The following TMEM132D variants were observed in gnomAD, a reference collection of about 807,000 sequenced individuals.
TMEM132D encodes mature OL transmembrane protein.
TMEM132D carries 21 observed loss-of-function variants against 62.3 expected under a neutral mutation model. That is an observed-to-expected ratio of 0.34 (90% CI 0.24 to 0.49). The LOEUF is 0.49. TMEM132D is among the 20% of genes least tolerant of loss of function. TMEM132D has a pLI of 0.99. For missense variants in TMEM132D, 1,346 were observed against 1,402.8 expected (o/e 0.96, Z 0.65); for synonymous variants, 621 against 575.6 (o/e 1.08, Z -1.13).
chr12:129,862,282 T>G (rs1342977669), intron 1 of TMEM132D, among the ~76,000 whole-genome samples: 1 of 152,206 alleles, frequency 6.6e-6, no homozygotes, highest in African/African-American at 2.4e-5. Context: ...AACTCTAAAT[T>G]TCAAGCCTCA....
chr12:129,871,424 C>G (rs1261109696), intron 1 of TMEM132D, among the ~76,000 whole-genome samples: 1 of 151,954 alleles, frequency 6.6e-6, no homozygotes, highest in Non-Finnish European at 1.5e-5. Flanking sequence ...CTGTGTGTGT[C>G]CAGCTGAGAC....
rs555665393 is a variant in TMEM132D, at chr12:129,192,135, G to A, written c.1443+17385C>T. ...TGAGTCTTACTCTTGGCTGGACCTC[G>A]AATGGTTCCTACTACCTTGACCTGC... On this transcript the variant is annotated intron_variant, in intron 5 of 8. Coordinates refer to ENST00000422113, the MANE Select transcript of TMEM132D (RefSeq NM_133448.3). 1.5e-3 allele frequency among the ~76,000 whole-genome samples: 231 copies of A among 152,270 alleles called. 1 individual carries two copies. Among genetic ancestry groups the A allele is most frequent in the Non-Finnish European group, 2.2e-3 (153 of 68,010 alleles).
intron 3 of TMEM132D, among the ~76,000 whole-genome samples, chr12:129,413,401 G>A (rs891701450): frequency 6.6e-6 from 1 of 152,220 alleles, no homozygotes; most frequent in Non-Finnish European, 1.5e-5. Flanking sequence ...CCCCAGCCAT[G>A]TGGAACAGTG....
intron 5 of TMEM132D, among the ~76,000 whole-genome samples, chr12:129,133,369 C>T (rs1876437123): frequency 6.6e-6 from 1 of 152,190 alleles, no homozygotes; most frequent in South Asian, 2.1e-4. Flanking sequence ...ATGAATGGAC[C>T]AGCAAAATAT....
intron 5 of TMEM132D, among the ~76,000 whole-genome samples, chr12:129,136,207 T>A (rs900137459): frequency 6.6e-6 from 1 of 152,212 alleles, no homozygotes; most frequent in Non-Finnish European, 1.5e-5. Context: ...AGAGTTCCTA[T>A]ATAACCTCTA....
chr12:129,228,220 TA>T (rs1879536326), intron 4 of TMEM132D, among the ~76,000 whole-genome samples: 1 of 152,172 alleles, frequency 6.6e-6, no homozygotes, highest in African/African-American at 2.4e-5. Context: ...ATGAGTCCAG[TA>T]ATCCGGTGGG....
chr12:129,470,369 G>A (rs1443132039), intron 3 of TMEM132D, among the ~76,000 whole-genome samples: 7 of 152,274 alleles, frequency 4.6e-5, no homozygotes, highest in African/African-American at 1.7e-4. Context: ...CAACTGAGGA[G>A]ACTGCCAACA....
At chr12:129,881,533 A>G (rs182719335) in intron 1 of TMEM132D, among the ~76,000 whole-genome samples, 56 of 152,238 alleles carry the variant, frequency 3.7e-4, no homozygotes, top group Admixed American at 2.0e-4. Flanking sequence ...CTAAAAATCG[A>G]TATCAGAAAG....
chr12:129,601,812 T>C (rs1267975418), intron 2 of TMEM132D, among the ~76,000 whole-genome samples: 3 of 152,144 alleles, frequency 2.0e-5, no homozygotes, highest in African/African-American at 7.2e-5. Flanking sequence ...CAGATCACCA[T>C]AACAAATATA....
At chr12:129,718,560 T>A (rs1030314104) in intron 1 of TMEM132D, among the ~76,000 whole-genome samples, 4 of 152,232 alleles carry the variant, frequency 2.6e-5, no homozygotes, top group African/African-American at 9.6e-5. Flanking sequence ...TATGAAGGCC[T>A]TTTATGGAGA....
chr12:129,219,874 A>G (rs1321715029), intron 4 of TMEM132D, among the ~76,000 whole-genome samples: 1 of 152,308 alleles, frequency 6.6e-6, no homozygotes, highest in East Asian at 1.9e-4. Context: ...GGCTGACACC[A>G]TACAGGGAGC....
At chr12:129,077,914 TAGACACACAACACAC>T (rs951443806) in intron 8 of TMEM132D, among the ~76,000 whole-genome samples, 3 of 150,360 alleles carry the variant, frequency 2.0e-5, no homozygotes, top group Non-Finnish European at 3.0e-5. Context: ...ACACAACACA[TAGACACACAACACAC>T]ATATACATAT....
At chr12:129,367,412 C>A (rs1870450400) in intron 3 of TMEM132D, among the ~76,000 whole-genome samples, 1 of 152,120 alleles carries the variant, frequency 6.6e-6, no homozygotes, top group South Asian at 2.1e-4. Flanking sequence ...AGGGAACTTC[C>A]CCTCCCTGAT....
chr12:129,101,221 G>A (rs1474025321), intron 5 of TMEM132D, among the ~76,000 whole-genome samples: 1 of 152,208 alleles, frequency 6.6e-6, no homozygotes, highest in African/African-American at 2.4e-5. Flanking sequence ...ATGGCCCATT[G>A]GTTCATCCTG....
chr12:129,839,729 T>C (rs1593182287), intron 1 of TMEM132D, among the ~76,000 whole-genome samples: 1 of 152,178 alleles, frequency 6.6e-6, no homozygotes, highest in East Asian at 1.9e-4. Context: ...AACCAGTCCA[T>C]AGCAGGTCAC....
chr12:129,404,632 C>G (rs61943072), intron 3 of TMEM132D, among the ~76,000 whole-genome samples: 3,038 of 152,244 alleles, frequency 0.02, 128 homozygotes, highest in Admixed American at 0.088. Context: ...GGAGAAGGAG[C>G]CATCACACGG....
intron 4 of TMEM132D, among the ~76,000 whole-genome samples, chr12:129,242,714 T>A (rs1192683166): frequency 1.3e-5 from 2 of 152,212 alleles, no homozygotes; most frequent in Non-Finnish European, 2.9e-5. Context: ...GAAATTTTTC[T>A]CTCTTCCTTC....
At chr12:129,728,753 A>T (rs1869119737) in intron 1 of TMEM132D, among the ~76,000 whole-genome samples, 1 of 152,194 alleles carries the variant, frequency 6.6e-6, no homozygotes, top group Non-Finnish European at 1.5e-5. Flanking sequence ...GCGAAGAGGG[A>T]GAAACGCAGC....
chr12:129,228,139 G>A (rs1057349821), intron 4 of TMEM132D, among the ~76,000 whole-genome samples: 1 of 73,912 alleles, frequency 1.4e-5, no homozygotes, highest in Non-Finnish European at 2.5e-5. Context: ...TGAGACGTGT[G>A]TTTTGGAGAA....
Sources: gnomAD v4.1 joint callset for allele counts (sites outside exome capture counted in the v4.1 genomes callset) on GRCh38, gnomAD v4.1.1 for gene constraint, MANE v1.5 for transcripts, NCBI Gene and HGNC (gene_info 2026-07-23, HGNC 2026-07-21) for gene names.